The following HMCN1 variants were observed in gnomAD, a reference collection of about 807,000 sequenced individuals.
HMCN1 encodes the protein hemicentin-1.
In HMCN1, 321 loss-of-function variants were observed where a neutral mutation model predicts 625.9. The observed-to-expected ratio is 0.51, with a 90% confidence interval of 0.47 to 0.56. The LOEUF is 0.56. Among genes scored for constraint, HMCN1 ranks in the 20% least tolerant of loss-of-function variants. HMCN1 has a pLI of 0.00. For synonymous variants in HMCN1, 2,425 were observed against 2,417.6 expected (o/e 1.00, Z -0.09); for missense variants, 6,588 against 6,887.3 (o/e 0.96, Z 1.54).
intron 2 of HMCN1, among the ~76,000 whole-genome samples, chr1:185,854,660 C>A (rs532482149): frequency 4.5e-4 from 69 of 152,050 alleles, no homozygotes; most frequent in African/African-American, 1.6e-3. Flanking sequence ...TTTTAAAATC[C>A]TGATTTATTT....
At chr1:185,943,008 C>T (rs1668160639) in intron 11 of HMCN1, among the ~76,000 whole-genome samples, 2 of 151,776 alleles carry the variant, frequency 1.3e-5, no homozygotes, top group African/African-American at 4.8e-5. Context: ...ACATTTCTGA[C>T]ATAGGATGTT....
At chr1:185,828,998 ACTT>A (rs920745874) in intron 1 of HMCN1, among the ~76,000 whole-genome samples, 43 of 152,278 alleles carry the variant, frequency 2.8e-4, no homozygotes, top group Non-Finnish European at 4.7e-4. Context: ...AAAAAGAAGT[ACTT>A]CTTCTTTGGG....
chr1:185,974,271 A>T (rs1329527494), intron 15 of HMCN1, among the ~76,000 whole-genome samples: 4 of 152,182 alleles, frequency 2.6e-5, no homozygotes, highest in Admixed American at 2.6e-4. Context: ...TTAACCATAG[A>T]CTTATTAAAC....
At chr1:185,816,127 T>C (rs985376096) in intron 1 of HMCN1, among the ~76,000 whole-genome samples, 1 of 152,010 alleles carries the variant, frequency 6.6e-6, no homozygotes, top group South Asian at 2.1e-4. Context: ...AGATAGAACA[T>C]GTAGCATGAT....
intron 1 of HMCN1, among the ~76,000 whole-genome samples, chr1:185,843,728 T>C (rs2102313813): frequency 6.6e-6 from 1 of 152,314 alleles, no homozygotes; most frequent in Admixed American, 6.5e-5. Flanking sequence ...AGCTATTACC[T>C]CTCCTGAGTA....
chr1:186,140,912 G>C (rs998662392), intron 89 of HMCN1, among the ~76,000 whole-genome samples: 1 of 152,022 alleles, frequency 6.6e-6, no homozygotes, highest in African/African-American at 2.4e-5. Context: ...TCGAGGGTTG[G>C]GGGGATGGCT....
At chr1:186,072,838 T>C (rs1379861190) in intron 52 of HMCN1, among the ~76,000 whole-genome samples, 1 of 152,198 alleles carries the variant, frequency 6.6e-6, no homozygotes, top group Non-Finnish European at 1.5e-5. Flanking sequence ...CTTGTGCCAG[T>C]TGGCCTTTAT....
chr1:185,892,848 G>T (rs1171895243), intron 4 of HMCN1, among the ~76,000 whole-genome samples: 2 of 152,228 alleles, frequency 1.3e-5, no homozygotes, highest in African/African-American at 4.8e-5. Flanking sequence ...CCCAGTTCGA[G>T]CTTCCAGGCT....
At chr1:185,742,642 T>C (rs1159723239) in intron 1 of HMCN1, among the ~76,000 whole-genome samples, 1 of 152,222 alleles carries the variant, frequency 6.6e-6, no homozygotes, top group East Asian at 1.9e-4. Flanking sequence ...TCTGTGCCTC[T>C]AGCACATCCT....
intron 2 of HMCN1, among the ~76,000 whole-genome samples, 192 bp downstream of exon 2, chr1:185,846,288 GT>G: frequency 6.6e-6 from 1 of 152,182 alleles, no homozygotes; most frequent in Non-Finnish European, 1.5e-5. Context: ...GACAGATGGG[GT>G]TTGAAATATC....
intron 17 of HMCN1, among the ~76,000 whole-genome samples, 170 bp from the exon 18 acceptor site, chr1:185,982,092 G>A (rs543307479): frequency 1.8e-4 from 27 of 152,212 alleles, no homozygotes; most frequent in African/African-American, 4.6e-4. Flanking sequence ...CTACTTAGAA[G>A]GAGACTTTAA....
At chr1:185,748,177 G>A (rs773836027) in intron 1 of HMCN1, among the ~76,000 whole-genome samples, 1 of 150,448 alleles carries the variant, frequency 6.6e-6, no homozygotes, top group Non-Finnish European at 1.5e-5. Context: ...AATCTGTTAT[G>A]CTTTTTGTTT....
At chr1:185,959,059 A>G (rs1236288029) in intron 11 of HMCN1, among the ~76,000 whole-genome samples, 1 of 152,246 alleles carries the variant, frequency 6.6e-6, no homozygotes, top group Non-Finnish European at 1.5e-5. Context: ...GTTGGCTGAA[A>G]AAATGAAAAC....
chr1:186,137,020 A>C, intron 87 of HMCN1, 83 bp downstream of exon 87: 1 of 1,489,736 alleles, frequency 6.7e-7, no homozygotes, highest in Admixed American at 1.7e-5. Flanking sequence ...CTTTAGTCCA[A>C]GTCTCCTGTC....
chr1:185,832,340 C>G (rs1176968685), intron 1 of HMCN1, among the ~76,000 whole-genome samples: 3 of 151,818 alleles, frequency 2.0e-5, no homozygotes, highest in Non-Finnish European at 2.9e-5. Flanking sequence ...AAATAATAAG[C>G]ATGAATGGCC....
At chr1:186,053,565 G>T (rs1040071611) in intron 43 of HMCN1, among the ~76,000 whole-genome samples, 2 of 151,980 alleles carry the variant, frequency 1.3e-5, no homozygotes, top group Non-Finnish European at 2.9e-5. Flanking sequence ...TGTACATTAA[G>T]ACTGAATTCT....
intron 4 of HMCN1, among the ~76,000 whole-genome samples, chr1:185,894,700 G>A (rs6425010): frequency 0.021 from 3,224 of 152,126 alleles, 118 homozygotes; most frequent in African/African-American, 0.073. Flanking sequence ...GATGTGTATC[G>A]TATGATTATT....
intron 23 of HMCN1, 54 bp downstream of exon 23, chr1:185,993,363 C>G: frequency 6.3e-7 from 1 of 1,599,680 alleles, no homozygotes; most frequent in Non-Finnish European, 8.6e-7. Context: ...CACACAAAAA[C>G]CCGTAATCCT....
intron 53 of HMCN1, among the ~76,000 whole-genome samples, chr1:186,075,527 G>A (rs1364093763): frequency 6.6e-6 from 1 of 152,026 alleles, no homozygotes; most frequent in Non-Finnish European, 1.5e-5. Flanking sequence ...TTTGTAACAT[G>A]ACTGTCTTGT....
Sources: gnomAD v4.1 joint callset for allele counts (sites outside exome capture counted in the v4.1 genomes callset) on GRCh38, gnomAD v4.1.1 for gene constraint, MANE v1.5 for transcripts, NCBI Gene and HGNC (gene_info 2026-07-23, HGNC 2026-07-21) for gene names.